NR3C2: variants seen among roughly 807,000 people sequenced by gnomAD.
The protein encoded by NR3C2 is mineralocorticoid receptor.
A neutral mutation model predicts 86.4 loss-of-function variants in NR3C2; 15 were observed. That is an observed-to-expected ratio of 0.17 (90% CI 0.12 to 0.27). NR3C2 has a LOEUF of 0.27. NR3C2 is among the 10% of genes least tolerant of loss of function. NR3C2 has a pLI of 1.00. For missense variants in NR3C2, 960 were observed against 1,195.6 expected (o/e 0.80, Z 2.91); for synonymous variants, 458 against 450.5 (o/e 1.02, Z -0.21).
rs747431684 is a variant in NR3C2, at chr4:148,154,585, C to T, written c.2331G>A (p.Met777Ile). 14 of 1,614,186 alleles carry T rather than the reference C, an allele frequency of 8.7e-6. No individual in the cohort carries two copies. The highest frequency in any genetic ancestry group is 1.3e-5 in the African/African-American group (1 of 75,050). ...STLNRLAGKQ[M>I]IQVVKWAKVL... Reference sequence around the variant, plus strand: ...CCTTTGCCCACTTCACGACTTGGATCATCTGTTTGCCTGCTAAGCGGTTGA... The same window carrying T: ...CCTTTGCCCACTTCACGACTTGGATTATCTGTTTGCCTGCTAAGCGGTTGA... Residue 777 changes from methionine (M) to isoleucine (I), a missense_variant, in exon 5 of 9, where the codon ATG becomes ATA. Around this residue, in one of 4 missense-constraint regions of NR3C2, gnomAD observed 151 missense variants for 296.3 expected, o/e 0.51. Coordinates refer to ENST00000358102, the MANE Select transcript of NR3C2 (RefSeq NM_000901.5).
In NR3C2 at chr4:148,167,080, AC is replaced by A. The variant is rs369529018; in HGVS notation, c.2015-12180del. Among the ~76,000 whole-genome samples the A allele has an allele frequency of 2.2e-3, 332 of 152,330 alleles. 6 individuals carry two copies. The South Asian group carries it at 0.044, about 20-fold the overall frequency. On this transcript the variant is annotated intron_variant, in intron 4 of 8. Coordinates refer to ENST00000358102, the MANE Select transcript of NR3C2 (RefSeq NM_000901.5). The stretch of plus-strand genomic sequence containing the variant: ...AATGGTAGGTTTCCCTTCATTTAAA[AC>A]AAAGTCTGCTGCATGTGGTGATTTT...
Position 148,317,685 on chromosome 4 carries a change from A to G in NR3C2, c.1758-57568T>C, listed in dbSNP as rs148240938. Among the ~76,000 whole-genome samples, 385 of 152,288 alleles carry G rather than the reference A, an allele frequency of 2.5e-3. 2 individuals carry two copies. The highest frequency in any genetic ancestry group is 8.8e-3 in the African/African-American group (368 of 41,582). ...TTTCCTTGAAAATACATCCTAAATC[A>G]TGTAGGCATTATTTTAAATATATGT... is the stretch of plus-strand genomic sequence containing the variant. On this transcript the variant is annotated intron_variant, in intron 2 of 8. Coordinates refer to ENST00000358102, the MANE Select transcript of NR3C2 (RefSeq NM_000901.5).
At position 148,162,983 on chromosome 4, in the gene NR3C2, G is replaced by A. The variant is rs1388023442; in HGVS notation, c.2015-8082C>T. Among the ~76,000 whole-genome samples, 3 of 152,328 alleles carry A rather than the reference G, an allele frequency of 2.0e-5. No individual in the cohort carries two copies. In the East Asian group the frequency reaches 5.8e-4, roughly 29 times the overall value. ...GCGGTTGACTTATTCCAGAGTAGAG[G>A]ATGAGGTCTATGAGAAGCCCAATAA... On this transcript the variant is annotated intron_variant, in intron 4 of 8. Coordinates refer to ENST00000358102, the MANE Select transcript of NR3C2 (RefSeq NM_000901.5).
At chr4:148,245,326 G>A (rs1739266979) in intron 3 of NR3C2, among the ~76,000 whole-genome samples, 3 of 152,136 alleles carry the variant, frequency 2.0e-5, no homozygotes, top group South Asian at 4.2e-4. Context: ...GGAGAGGCTG[G>A]GTATCTTGCC....
upstream of NR3C2, among the ~76,000 whole-genome samples, chr4:148,445,208 C>T (rs1351804072): frequency 6.6e-6 from 1 of 152,008 alleles, no homozygotes; most frequent in Admixed American, 6.5e-5. Flanking sequence ...ACCTCGCGCC[C>T]GGCTTCAGGT....
intron 3 of NR3C2, among the ~76,000 whole-genome samples, chr4:148,227,451 A>AT (rs879715180): frequency 6.6e-5 from 10 of 151,922 alleles, no homozygotes; most frequent in Non-Finnish European, 1.2e-4. Flanking sequence ...CTATAGTGTT[A>AT]TTTTTTCCTC....
At chr4:148,154,455 A>T in intron 5 of NR3C2, 96 bp downstream of exon 5, 1 of 1,114,476 alleles carries the variant, frequency 9.0e-7, no homozygotes, top group South Asian at 1.2e-5. Context: ...GATTTCATAG[A>T]ACGCAAACTC....
chr4:148,082,487 A>AG (rs1560910755), intron 8 of NR3C2, among the ~76,000 whole-genome samples: 1 of 152,084 alleles, frequency 6.6e-6, no homozygotes, highest in Non-Finnish European at 1.5e-5. Context: ...CCCCTAGCCA[A>AG]GGGAAGCCAT....
chr4:148,335,015 A>C (rs191556362), intron 2 of NR3C2, among the ~76,000 whole-genome samples: 1 of 152,284 alleles, frequency 6.6e-6, no homozygotes, highest in African/African-American at 2.4e-5. Flanking sequence ...CCTTTGTATA[A>C]AGATTCCAGT....
intron 3 of NR3C2, among the ~76,000 whole-genome samples, chr4:148,244,076 G>A (rs1739200379): frequency 6.6e-6 from 1 of 152,206 alleles, no homozygotes; most frequent in South Asian, 2.1e-4. Context: ...GGAGCTGGCA[G>A]TTAACTCCTG....
At chr4:148,376,128 C>A (rs1746664629) in intron 2 of NR3C2, among the ~76,000 whole-genome samples, 5 of 125,914 alleles carry the variant, frequency 4.0e-5, no homozygotes, top group Admixed American at 9.2e-5. Flanking sequence ...GAAATCTATT[C>A]AAGGTCAGGA....
intron 4 of NR3C2, among the ~76,000 whole-genome samples, chr4:148,179,100 A>G (rs954633224): frequency 1.3e-5 from 2 of 151,716 alleles, no homozygotes; most frequent in African/African-American, 4.8e-5. Context: ...ATAATGTAAC[A>G]ATGTGAGGTG....
At chr4:148,315,162 G>C (rs1046582506) in intron 2 of NR3C2, among the ~76,000 whole-genome samples, 1 of 152,104 alleles carries the variant, frequency 6.6e-6, no homozygotes, top group Non-Finnish European at 1.5e-5. Context: ...TCACTGTTCA[G>C]CCACTTTGAT....
At chr4:148,335,088 T>A (rs953617170) in intron 2 of NR3C2, among the ~76,000 whole-genome samples, 1 of 152,242 alleles carries the variant, frequency 6.6e-6, no homozygotes, top group African/African-American at 2.4e-5. Context: ...ATATCTGCGA[T>A]GACTTTATTT....
intron 6 of NR3C2, among the ~76,000 whole-genome samples, chr4:148,126,942 T>C (rs1456165858): frequency 1.3e-5 from 2 of 152,200 alleles, no homozygotes; most frequent in Admixed American, 1.3e-4. Context: ...CCTTCTCCTT[T>C]CTCTGTGTGC....
rs368250623 is a variant in NR3C2, at chr4:148,160,802, A to G, written c.2015-5901T>C. On this transcript the variant is annotated intron_variant, in intron 4 of 8. Coordinates refer to ENST00000358102, the MANE Select transcript of NR3C2 (RefSeq NM_000901.5). ...CTTCCCCTTGCCCCCACCACCAACT[A>G]TCTTCTTTAACAGACCATTTCTCCC... Among the ~76,000 whole-genome samples, 10 of 152,220 alleles carry G rather than the reference A, an allele frequency of 6.6e-5. No homozygotes were observed. The East Asian group carries it at 1.3e-3, about 21-fold the overall frequency.
intron 3 of NR3C2, among the ~76,000 whole-genome samples, chr4:148,238,932 G>A (rs1415656024): frequency 6.6e-6 from 1 of 152,194 alleles, no homozygotes; most frequent in Admixed American, 6.6e-5. Flanking sequence ...ATTAGCTAAA[G>A]TGAAGATGGA....
intron 6 of NR3C2, among the ~76,000 whole-genome samples, chr4:148,140,153 C>T (rs57616130): frequency 0.19 from 28,195 of 152,082 alleles, 3,798 homozygotes; most frequent in African/African-American, 0.38. Flanking sequence ...TGCCCTATCT[C>T]GGAATAGAAT....
At chr4:148,154,492 T>A in intron 5 of NR3C2, 59 bp downstream of exon 5, 1 of 1,510,028 alleles carries the variant, frequency 6.6e-7, no homozygotes, top group Non-Finnish European at 9.2e-7. Flanking sequence ...GATGGCGAAG[T>A]CAGTTGCCCA....
Sources: allele counts gnomAD v4.1 joint callset (sites outside exome capture counted in the v4.1 genomes callset), GRCh38; gene constraint gnomAD v4.1.1; regional missense constraint gnomAD v4.1.1; transcripts MANE v1.5; gene names NCBI Gene and HGNC (gene_info 2026-07-23, HGNC 2026-07-21).